The following ANO2 variants were observed in gnomAD, a reference collection of about 807,000 sequenced individuals.
The protein encoded by ANO2 is anoctamin 2.
A neutral mutation model predicts 124.2 loss-of-function variants in ANO2; 101 were observed. The ratio of observed to expected loss-of-function variants is 0.81; its 90% CI spans 0.69 to 0.96. The LOEUF (loss-of-function observed/expected upper bound fraction) is 0.96. ANO2 is among the 40% of genes least tolerant of loss of function. The pLI, the probability that ANO2 is intolerant of heterozygous loss-of-function variation, is 0.00. For synonymous variants in ANO2, 486 were observed against 482.5 expected (o/e 1.01, Z -0.09); for missense variants, 1,293 against 1,274.5 (o/e 1.01, Z -0.22).
At chr12:5,697,705 C>T (rs920385203) in intron 14 of ANO2, among the ~76,000 whole-genome samples, 1 of 152,196 alleles carries the variant, frequency 6.6e-6, no homozygotes. Context: ...CCTTTCCTAG[C>T]CAAGGGAAGC....
At chr12:5,938,968 T>C (rs1272428783) in intron 1 of ANO2, among the ~76,000 whole-genome samples, 6 of 151,722 alleles carry the variant, frequency 4.0e-5, no homozygotes, top group African/African-American at 7.3e-5. Context: ...CCTGTAATCC[T>C]AGCACTTTGA....
intron 14 of ANO2, among the ~76,000 whole-genome samples, chr12:5,667,975 C>T (rs1947815053): frequency 6.6e-6 from 1 of 152,172 alleles, no homozygotes; most frequent in Non-Finnish European, 1.5e-5. Context: ...TGGGTTGATT[C>T]CATGTGTTTG....
intron 1 of ANO2, among the ~76,000 whole-genome samples, chr12:5,929,749 A>G (rs1283539397): frequency 8.0e-5 from 12 of 149,082 alleles, no homozygotes; most frequent in Non-Finnish European, 1.5e-4. Context: ...CTTTCTTACC[A>G]GTCTTCCTTC....
chr12:5,922,867 G>A (rs1941781262), intron 1 of ANO2, 63 bp from the exon 2 acceptor site: 1 of 1,407,678 alleles, frequency 7.1e-7, no homozygotes, highest in Non-Finnish European at 9.3e-7. Flanking sequence ...AAGACACTGA[G>A]GTACTGAGTG....
rs116027378 is a variant in ANO2 at position 5,752,762 on chromosome 12, G to A, written c.1056-1792C>T. ...CCATTTGTCTATTTTTGCTTTTGTTGCTTGTGCTTTCTGTGCCATATCCAA... is the reference window on the plus strand; with the variant it reads ...CCATTTGTCTATTTTTGCTTTTGTTACTTGTGCTTTCTGTGCCATATCCAA... On this transcript the variant is annotated intron_variant, in intron 10 of 24. Transcript: ENST00000682330. Among the ~76,000 whole-genome samples the A allele has an allele frequency of 1.6e-3, 245 of 152,122 alleles. 1 individual carries two copies. Among genetic ancestry groups the A allele is most frequent in the African/African-American group, 5.6e-3 (234 of 41,504 alleles).
At chr12:5,921,423 A>C (rs1941698009) in intron 2 of ANO2, 57 bp from the exon 3 acceptor site, 1 of 1,532,100 alleles carries the variant, frequency 6.5e-7, no homozygotes, top group South Asian at 1.2e-5. Flanking sequence ...GGTGAGAAAC[A>C]GAGGAGGCTG....
At chr12:5,913,968 G>A (rs972401984) in intron 3 of ANO2, among the ~76,000 whole-genome samples, 8 of 152,144 alleles carry the variant, frequency 5.3e-5, no homozygotes, top group East Asian at 1.9e-4. Context: ...TTGGGACGCC[G>A]AGACAGGCGG....
chr12:5,936,531 G>A (rs543237342), intron 1 of ANO2, among the ~76,000 whole-genome samples: 183 of 152,318 alleles, frequency 1.2e-3, no homozygotes, highest in African/African-American at 4.2e-3. Flanking sequence ...GAAGCAGAGA[G>A]CAGCTGTCAC....
intron 16 of ANO2, among the ~76,000 whole-genome samples, chr12:5,630,065 C>A (rs55695577): frequency 0.18 from 27,120 of 152,226 alleles, 2,831 homozygotes; most frequent in Non-Finnish European, 0.24. Context: ...CTCAGATAGG[C>A]CTGACACCTC....
Position 5,908,188 on chromosome 12 carries a change from CCTT to C in ANO2, c.534+12849_534+12851del, listed in dbSNP as rs1940822340. ...AAAAGCACACCCATCAAATTCCACT[CCTT>C]CTGTTTCCTGTTCCTGAAAAGCTGC... On this transcript the variant is annotated intron_variant, in intron 3 of 24. Coordinates refer to ENST00000682330, the MANE Select transcript of ANO2 (RefSeq NM_001364791.2). This position sits in a 1 kb window ranked among gnomAD's most constrained non-coding sequence, Gnocchi z 4.7. Among the ~76,000 whole-genome samples, 1 of 152,222 alleles carries C rather than the reference CCTT, an allele frequency of 6.6e-6. No homozygotes were observed.
At chr12:5,823,048 C>T (rs1394884166) in intron 7 of ANO2, among the ~76,000 whole-genome samples, 3 of 152,310 alleles carry the variant, frequency 2.0e-5, no homozygotes, top group Non-Finnish European at 4.4e-5. Flanking sequence ...TGTGTCCCTC[C>T]CACAACACAT....
In ANO2 at chr12:5,862,044, T is replaced by C. The variant is rs1955286557; in HGVS notation, c.535-7903A>G. Reference sequence around the variant, plus strand: ...CAAAGCCTTAACTTCCTTTTGGCTCTCAAGAATGTACAGCCTCTGATTCGG... The same window carrying C: ...CAAAGCCTTAACTTCCTTTTGGCTCCCAAGAATGTACAGCCTCTGATTCGG... On this transcript the variant is annotated intron_variant, in intron 3 of 24. Transcript: ENST00000682330. This position sits in a 1 kb window ranked among gnomAD's most constrained non-coding sequence, Gnocchi z 4.0. Among the ~76,000 whole-genome samples the C allele has an allele frequency of 6.6e-6, 1 of 152,170 alleles. No individual in the cohort carries two copies. The highest frequency in any genetic ancestry group is 2.1e-4 in the South Asian group (1 of 4,818).
intron 10 of ANO2, among the ~76,000 whole-genome samples, chr12:5,755,726 G>C (rs1479940618): frequency 2.0e-5 from 3 of 152,104 alleles, no homozygotes; most frequent in African/African-American, 4.8e-5. Flanking sequence ...CCCTACAAAG[G>C]ACATGAACTC....
chr12:5,594,704 G>A lies in ANO2; in HGVS notation c.2233+4780C>T, dbSNP rs145160043. 8.5e-5 allele frequency among the ~76,000 whole-genome samples: 13 copies of A among 152,204 alleles called. No individual in the cohort carries two copies. In the East Asian group the frequency reaches 1.9e-3, roughly 23 times the overall value. On this transcript the variant is annotated intron_variant, in intron 20 of 24. Coordinates refer to ENST00000682330, the MANE Select transcript of ANO2 (RefSeq NM_001364791.2). ...ATCAAACAAATTAGCTGGGTTTGGC[G>A]GTGCATGCCTGTAGTGCCAGTTACT...
intron 3 of ANO2, among the ~76,000 whole-genome samples, chr12:5,861,231 T>G (rs977878085): frequency 1.4e-4 from 22 of 152,090 alleles, no homozygotes; most frequent in African/African-American, 4.3e-4. Flanking sequence ...CCAGCATTCA[T>G]CCCACCCTTC....
At chr12:5,700,398 C>A (rs2137026802) in intron 14 of ANO2, among the ~76,000 whole-genome samples, 1 of 152,174 alleles carries the variant, frequency 6.6e-6, no homozygotes, top group South Asian at 2.1e-4. Flanking sequence ...CCAATGAGAA[C>A]AAAGACACAA....
rs980008023 is a variant in ANO2, at chr12:5,571,423, T to C, written c.2621+4411A>G. 5.3e-5 allele frequency among the ~76,000 whole-genome samples: 8 copies of C among 152,338 alleles called. No homozygotes were observed. The South Asian group carries it at 1.4e-3, about 28-fold the overall frequency. On this transcript the variant is annotated intron_variant, in intron 23 of 24. Coordinates refer to ENST00000682330, the MANE Select transcript of ANO2 (RefSeq NM_001364791.2). ...GCAGCCGGAGACTTGTGCTAACTTT[T>C]ATTGCTATTTTTAAGATACCTCTAT...
chr12:5,667,009 C>T (rs1273778911), intron 14 of ANO2, among the ~76,000 whole-genome samples: 2 of 152,178 alleles, frequency 1.3e-5, no homozygotes, highest in African/African-American at 4.8e-5. Flanking sequence ...GCATGAGTGT[C>T]CCTGGCTGGC....
intron 7 of ANO2, among the ~76,000 whole-genome samples, chr12:5,825,059 A>G (rs1410251808): frequency 6.6e-6 from 1 of 152,226 alleles, no homozygotes; most frequent in Non-Finnish European, 1.5e-5. Context: ...GCAGGGGGAC[A>G]CAGCCAAACC....
Sources: allele counts gnomAD v4.1 joint callset (sites outside exome capture counted in the v4.1 genomes callset), GRCh38; gene constraint gnomAD v4.1.1; non-coding constraint Gnocchi (gnomAD v3.1); transcripts MANE v1.5; gene names NCBI Gene and HGNC (gene_info 2026-07-23, HGNC 2026-07-21).